Variants in DDX60L observed in about 807,000 individuals in gnomAD.
DDX60L encodes the protein probable ATP-dependent RNA helicase DDX60-like.
A neutral mutation model predicts 211.6 loss-of-function variants in DDX60L; 191 were observed. The observed-to-expected ratio is 0.90, with a 90% CI of 0.80 to 1.02. The LOEUF is 1.02. Ranked by LOEUF, DDX60L falls within the 50% of genes least tolerant of loss-of-function variation. The pLI is 0.00. For synonymous variants in DDX60L, 706 were observed against 694.1 expected (o/e 1.02, Z -0.27); for missense variants, 2,007 against 1,984.1 (o/e 1.01, Z -0.22).
chr4:168,474,188 C>T (rs1326353887), intron 1 of DDX60L, among the ~76,000 whole-genome samples: 1 of 152,068 alleles, frequency 6.6e-6, no homozygotes, highest in Non-Finnish European at 1.5e-5. Flanking sequence ...GACAGGATTG[C>T]TACAGACAGT....
At chr4:168,459,874 A>C (rs1475057075) in intron 5 of DDX60L, among the ~76,000 whole-genome samples, 1 of 152,064 alleles carries the variant, frequency 6.6e-6, no homozygotes, top group Non-Finnish European at 1.5e-5. Flanking sequence ...CAAAAAAAAA[A>C]AACCTGGGGA....
At position 168,456,027 on chromosome 4, in the gene DDX60L, CTTT is replaced by C. The variant is rs1756522487; in HGVS notation, c.837+9_837+11del. ...CAGCTTTCTGCCTGGCGGCTGTGTT[CTTT>C]TTACTTACTAAGACACGATGGTACA... On this transcript the variant is annotated intron_variant, in intron 7 of 37. Coordinates refer to ENST00000682922, the MANE Select transcript of DDX60L (RefSeq NM_001012967.3). 1 of 1,558,510 alleles carries C rather than the reference CTTT, an allele frequency of 6.4e-7. No homozygotes were observed. The highest frequency in any genetic ancestry group is 1.2e-5 in the South Asian group (1 of 82,604).
At chr4:168,381,469 G>T (rs1413160903) in intron 30 of DDX60L, among the ~76,000 whole-genome samples, 1 of 151,652 alleles carries the variant, frequency 6.6e-6, no homozygotes, top group Non-Finnish European at 1.5e-5. Flanking sequence ...AGAAACCAAA[G>T]CAATTAAAAT....
Position 168,379,828 on chromosome 4 carries a change from C to T in DDX60L, c.4119G>A (p.Val1373=), listed in dbSNP as rs1742620696. 3 of 1,601,624 alleles carry T rather than the reference C, an allele frequency of 1.9e-6. No individual in the cohort carries two copies. The highest frequency in any genetic ancestry group is 1.1e-5 in the South Asian group (1 of 89,252). ...GDDPEDAKAK[V]LSVLKHSLLS... ...GCAATGAATGCTTTAGCACTGACAA[C>T]ACCTATAAAAGAAGAGTACTTTAAT... is the stretch of plus-strand genomic sequence containing the variant. Residue 1373 remains valine (V), a splice_region_variant and synonymous_variant, in exon 31 of 38, where the codon GTG becomes GTA. Transcript: ENST00000682922.
intron 10 of DDX60L, 31 bp from the exon 11 acceptor site, chr4:168,433,146 G>A (rs1752592387): frequency 1.4e-6 from 2 of 1,417,132 alleles, no homozygotes; most frequent in East Asian, 2.3e-5. Flanking sequence ...AAGATGAGAG[G>A]AAAGGTGTAA....
Position 168,462,728 on chromosome 4 carries a change from G to A in DDX60L, c.265-688C>T, listed in dbSNP as rs186387877. Among the ~76,000 whole-genome samples, 23 of 152,196 alleles carry A rather than the reference G, an allele frequency of 1.5e-4. No homozygotes were observed. In the East Asian group the frequency reaches 4.5e-3, roughly 29 times the overall value. ...CTTGGGAGGCTGAAGCAGGAAAATC[G>A]CTTGAACCAGGGAGGCGGAGGTTGC... On this transcript the variant is annotated intron_variant, in intron 4 of 37. Coordinates refer to ENST00000682922, the MANE Select transcript of DDX60L (RefSeq NM_001012967.3).
rs1462341771 is a variant in DDX60L, at chr4:168,423,688, C to T, written c.2017G>A (p.Ala673Thr). 2 of 1,606,612 alleles carry T rather than the reference C, an allele frequency of 1.2e-6. No individual in the cohort carries two copies. Among genetic ancestry groups the T allele is most frequent in the Admixed American group, 1.7e-5 (1 of 58,818 alleles). The change falls in exon 15 of 38, where the codon GCA (alanine) becomes ACA (threonine). Residue 673 changes from alanine to threonine, a missense_variant. By Grantham distance (58) the Ala-to-Thr change is moderately conservative. Coordinates refer to ENST00000682922, the MANE Select transcript of DDX60L (RefSeq NM_001012967.3). ...TTAGCTATATATTGATGATGTTCTG[C>T]TTCCAAAATTTCTGGGTATCTCTCC... The part of the protein sequence containing the change: ...LLERYPEILE[A>T]EHHQYIAKCL...
chr4:168,392,449 C>G (rs1745000116), intron 28 of DDX60L, among the ~76,000 whole-genome samples: 1 of 152,140 alleles, frequency 6.6e-6, no homozygotes, highest in African/African-American at 2.4e-5. Context: ...CATCCAAATT[C>G]AACCCATTAT....
At chr4:168,403,956 A>G (rs1475899717) in intron 25 of DDX60L, 26 bp downstream of exon 25, 2 of 1,372,164 alleles carry the variant, frequency 1.5e-6, no homozygotes, top group African/African-American at 3.0e-5. Flanking sequence ...ATATAAACAA[A>G]GATAAATTAA....
chr4:168,430,393 G>C, intron 13 of DDX60L, 85 bp downstream of exon 13: 1 of 1,212,112 alleles, frequency 8.3e-7, no homozygotes, highest in Non-Finnish European at 1.1e-6. Flanking sequence ...GAAGAGAATG[G>C]AAGACACCTC....
chr4:168,421,349 T>A (rs2149877604), intron 17 of DDX60L, among the ~76,000 whole-genome samples: 1 of 152,296 alleles, frequency 6.6e-6, no homozygotes, highest in East Asian at 1.9e-4. Context: ...ACATATGAGA[T>A]GAAATAAAAA....
chr4:168,437,059 G>A (rs947887845), intron 10 of DDX60L, among the ~76,000 whole-genome samples: 5 of 152,144 alleles, frequency 3.3e-5, no homozygotes, highest in Admixed American at 1.3e-4. Context: ...TGTGATTAAC[G>A]TCAATGGAAA....
At chr4:168,391,980 T>C (rs1326484165) in intron 28 of DDX60L, among the ~76,000 whole-genome samples, 1 of 152,192 alleles carries the variant, frequency 6.6e-6, no homozygotes, top group Non-Finnish European at 1.5e-5. Flanking sequence ...CCCAAGACCT[T>C]AAGTATCATG....
At chr4:168,376,749 G>A (rs1742010769) in intron 33 of DDX60L, among the ~76,000 whole-genome samples, 1 of 152,180 alleles carries the variant, frequency 6.6e-6, no homozygotes, top group Non-Finnish European at 1.5e-5. Flanking sequence ...TACACCTTGT[G>A]TTGTTTGCCA....
Position 168,419,313 on chromosome 4 carries a change from T to G in DDX60L, c.2599A>C (p.Ile867Leu). 1 of 1,594,132 alleles carries G rather than the reference T, an allele frequency of 6.3e-7. No individual in the cohort carries two copies. Among genetic ancestry groups the G allele is most frequent in the Non-Finnish European group, 8.6e-7 (1 of 1,168,692 alleles). The change falls in exon 19 of 38, where the codon ATA (isoleucine) becomes CTA (leucine). Residue 867 changes from isoleucine to leucine, a missense_variant. Transcript: ENST00000682922. The stretch of plus-strand genomic sequence containing the variant: ...AACACCAAACCTACCTCATCAAATA[T>G]AACATATCTGATCCTTTCCACCCAT... ...QKWVERIRYV[I>L]FDEVHYLGRE...
At chr4:168,409,071 T>C (rs1201048586) in intron 22 of DDX60L, among the ~76,000 whole-genome samples, 1 of 152,210 alleles carries the variant, frequency 6.6e-6, no homozygotes, top group African/African-American at 2.4e-5. Context: ...ATTGCTATCT[T>C]AGGAGCACGA....
chr4:168,360,070 T>G (rs1412077586), intron 37 of DDX60L, among the ~76,000 whole-genome samples: 1 of 152,210 alleles, frequency 6.6e-6, no homozygotes. Context: ...ATAATGCTTT[T>G]TCCGATTATA....
intron 5 of DDX60L, 54 bp from the exon 6 acceptor site, chr4:168,458,062 G>C: frequency 9.1e-7 from 1 of 1,102,622 alleles, no homozygotes; most frequent in Non-Finnish European, 1.3e-6. Flanking sequence ...TTTCCCAGCT[G>C]TAAAATATGA....
intron 4 of DDX60L, chr4:168,469,096 G>C (rs761492699): frequency 6.6e-5 from 10 of 152,130 alleles, no homozygotes; most frequent in Non-Finnish European, 1.2e-4. Flanking sequence ...AATTCGTGTG[G>C]AAATGCAGAG....
Sources: allele counts gnomAD v4.1 joint callset (sites outside exome capture counted in the v4.1 genomes callset), GRCh38; gene constraint gnomAD v4.1.1; transcripts MANE v1.5; gene names NCBI Gene and HGNC (gene_info 2026-07-23, HGNC 2026-07-21).